The following PFDN6 variants were observed in gnomAD, a reference collection of about 807,000 sequenced individuals.
PFDN6 encodes the protein prefoldin subunit 6.
A neutral mutation model predicts 19.3 loss-of-function variants in PFDN6; 5 were observed. The observed-to-expected ratio is 0.26, with a 90% confidence interval of 0.14 to 0.55. The LOEUF (loss-of-function observed/expected upper bound fraction) is 0.55. PFDN6 is among the 20% of genes least tolerant of loss of function. The pLI, the probability that PFDN6 is intolerant of heterozygous loss-of-function variation, is 0.94. For missense variants in PFDN6, 101 were observed against 149.4 expected, an observed-to-expected ratio of 0.68 and a Z score of 1.69; for synonymous variants, 51 against 63.4, an observed-to-expected ratio of 0.80 and a Z score of 0.93.
In PFDN6 at chr6:33,290,310, C is replaced by T; in HGVS notation, c.136-16C>T. 7 of 1,611,142 alleles carry T rather than the reference C, an allele frequency of 4.3e-6. No homozygotes were observed. Among genetic ancestry groups the T allele is most frequent in the Non-Finnish European group, 5.1e-6 (6 of 1,177,706 alleles). On this transcript the variant is annotated splice_polypyrimidine_tract_variant and intron_variant, in intron 2 of 3. Transcript: ENST00000374606. ...TAGCCATGGTTCTGATCACATATGT[C>T]CCATCCCTCCATCAGGAACTGGCCC...
chr6:33,289,385 T>G, upstream of PFDN6: 2 of 1,309,400 alleles, frequency 1.5e-6, no homozygotes, highest in South Asian at 2.5e-5. Context: ...GCAAGAGTGA[T>G]TTAAAAAAGA....
At chr6:33,290,141 ATG>A (rs775730293) in intron 1 of PFDN6, 31 bp from the exon 2 acceptor site, 1 of 1,608,062 alleles carries the variant, frequency 6.2e-7, no homozygotes, top group Non-Finnish European at 8.5e-7. Context: ...GGCACATTTG[ATG>A]TTTCTAAATT....
At position 33,289,803 on chromosome 6, in the gene PFDN6, A is replaced by T; in HGVS notation, c.-54A>T. On this transcript the variant is annotated 5_prime_UTR_variant, in exon 1 of 4. Coordinates refer to ENST00000374606, the MANE Select transcript of PFDN6 (RefSeq NM_001185181.3). ...AGAAAAGGGAGCTCAGGTACCTTCC[A>T]GAGAGTGAGACCCAGCGCCCTTGTC... The T allele has an allele frequency of 7.0e-7, 1 of 1,422,874 alleles. No homozygotes were observed. The highest frequency in any genetic ancestry group is 9.6e-7 in the Non-Finnish European group (1 of 1,041,270). The allele number at this position is 1,422,874 out of a possible 1,614,324, so 88.1% of individuals were successfully genotyped here.
chr6:33,290,847 C>T lies in PFDN6; in HGVS notation c.*2C>T. The stretch of plus-strand genomic sequence containing the variant: ...GCAGGGGCTCCTGGCAAGGCCTGAC[C>T]CCATGGTGGGGGGAGGGGAGGGGAG... On this transcript the variant is annotated 3_prime_UTR_variant, in exon 4 of 4. Transcript: ENST00000374606. 1.9e-6 allele frequency: 3 copies of T among 1,597,614 alleles called. No individual in the cohort carries two copies. The highest frequency in any genetic ancestry group is 2.5e-6 in the Non-Finnish European group (3 of 1,178,164).
Position 33,289,652 on chromosome 6 carries a change from T to C in PFDN6, c.-205T>C. 1.8e-6 allele frequency: 1 copy of C among 561,746 alleles called. No homozygotes were observed. Among genetic ancestry groups the C allele is most frequent in the Non-Finnish European group, 2.9e-6 (1 of 347,588 alleles). 34.8% of individuals were successfully genotyped at this position (561,746 alleles called of 1,614,324 possible). A position where few individuals can be genotyped will look rare whatever the true frequency, so the allele number is the denominator to read the frequency against. On this transcript the variant is annotated 5_prime_UTR_variant, in exon 1 of 4. Coordinates refer to ENST00000374606, the MANE Select transcript of PFDN6 (RefSeq NM_001185181.3). ...AGGTTAGGATTTCGGTTGAGAGGCT[T>C]GGGGTCTTGCGTTTCGCCCACCATC...
At chr6:33,290,268 C>A in intron 2 of PFDN6, 24 bp downstream of exon 2, 5 of 1,613,970 alleles carry the variant, frequency 3.1e-6, no homozygotes, top group Non-Finnish European at 4.2e-6. Context: ...ATTTGTGGGG[C>A]GAGGAGGGAC....
chr6:33,289,392 A>C, upstream of PFDN6: 1 of 1,309,856 alleles, frequency 7.6e-7, no homozygotes, highest in Non-Finnish European at 9.7e-7. Flanking sequence ...TGATTTAAAA[A>C]AGAAAGGCAG....
chr6:33,290,692 C>T (rs1767275654), intron 3 of PFDN6, 24 bp from the exon 4 acceptor site: 1 of 1,610,416 alleles, frequency 6.2e-7, no homozygotes, highest in East Asian at 2.2e-5. Flanking sequence ...TCCCTTTCTG[C>T]TTGTCTCCCT....
intron 3 of PFDN6, 77 bp downstream of exon 3, chr6:33,290,527 G>A (rs1392557106): frequency 3.3e-6 from 5 of 1,512,806 alleles, no homozygotes; most frequent in Non-Finnish European, 4.4e-6. Flanking sequence ...TTGAACCATT[G>A]CAGAACAGCT....
At chr6:33,289,255 C>T, upstream of PFDN6, 1 of 1,539,296 alleles carries the variant, frequency 6.5e-7, no homozygotes, top group Non-Finnish European at 8.7e-7. Context: ...AGCCCTCTGT[C>T]CTTCATCCAA....
intron 1 of PFDN6, 83 bp from the exon 2 acceptor site, chr6:33,290,091 T>C (rs1767185867): frequency 6.8e-6 from 10 of 1,470,986 alleles, no homozygotes; most frequent in Non-Finnish European, 9.5e-6. Flanking sequence ...TTCTGCTTCC[T>C]CAGATCCATA....
Position 33,290,930 on chromosome 6 carries a change from C to G in PFDN6, c.*85C>G, listed in dbSNP as rs985286487. 7.5e-7 allele frequency: 1 copy of G among 1,324,546 alleles called. No homozygotes were observed. The highest frequency in any genetic ancestry group is 1.0e-6 in the Non-Finnish European group (1 of 971,296). The allele number at this position is 1,324,546 out of a possible 1,614,324, so 82.0% of individuals were successfully genotyped here. On this transcript the variant is annotated 3_prime_UTR_variant, in exon 4 of 4. Transcript: ENST00000374606. The stretch of plus-strand genomic sequence containing the variant: ...TGTAGCTAATAAAATGTAAAAACAC[C>G]TGGCTCTGTTTCCTGACCAGGCACT...
In PFDN6 at chr6:33,290,862, G is replaced by A. The variant is rs753863522; in HGVS notation, c.*17G>A. The A allele has an allele frequency of 7.0e-6, 11 of 1,575,116 alleles. No homozygotes were observed. The Admixed American group carries it at 1.6e-4, about 23-fold the overall frequency. On this transcript the variant is annotated 3_prime_UTR_variant, in exon 4 of 4. Transcript: ENST00000374606. ...AAGGCCTGACCCCATGGTGGGGGGA[G>A]GGGAGGGGAGGGGAGGGAATGAGGC... is the stretch of plus-strand genomic sequence containing the variant.
chr6:33,289,557 C>T, upstream of PFDN6: 1 of 815,180 alleles, frequency 1.2e-6, no homozygotes, highest in East Asian at 3.2e-5. Context: ...AAAGAAACTT[C>T]CGGCACAGTC....
chr6:33,290,682 TC>T, intron 3 of PFDN6, 33 bp from the exon 4 acceptor site: 1 of 1,608,356 alleles, frequency 6.2e-7, no homozygotes. Context: ...TACTAATTTC[TC>T]CCTTTCTGCT....
chr6:33,290,054 G>T, intron 1 of PFDN6, 120 bp from the exon 2 acceptor site: 2 of 1,313,470 alleles, frequency 1.5e-6, no homozygotes, highest in South Asian at 1.3e-5. Context: ...ACTCTTCCCT[G>T]TTCACTCACC....
In PFDN6 at chr6:33,290,200, C is replaced by A. The variant is rs1321655623; in HGVS notation, c.91C>A (p.Gln31Lys). The change falls in exon 2 of 4, where the codon CAG becomes AAG. Residue 31 changes from glutamine (Q) to lysine (K), a missense_variant. Gln to Lys is a moderately conservative substitution (Grantham distance 53, BLOSUM62 1). Transcript: ENST00000374606. ...CTTAAGTAAATCCATGTCGGGGAGG[C>A]AGAAACTTGAAGCACAACTAACAGA... ...KDLSKSMSGR[Q>K]KLEAQLTENN... The A allele has an allele frequency of 6.2e-7, 1 of 1,614,034 alleles. No homozygotes were observed. The highest frequency in any genetic ancestry group is 1.3e-5 in the African/African-American group (1 of 74,898).
chr6:33,289,794 G>A lies in PFDN6; in HGVS notation c.-63G>A. Reference sequence around the variant, plus strand: ...GGCCAGATCAGAAAAGGGAGCTCAGGTACCTTCCAGAGAGTGAGACCCAGC... The same window carrying A: ...GGCCAGATCAGAAAAGGGAGCTCAGATACCTTCCAGAGAGTGAGACCCAGC... On this transcript the variant is annotated 5_prime_UTR_variant, in exon 1 of 4. Coordinates refer to ENST00000374606, the MANE Select transcript of PFDN6 (RefSeq NM_001185181.3). 1 of 1,350,584 alleles carries A rather than the reference G, an allele frequency of 7.4e-7. No homozygotes were observed. Among genetic ancestry groups the A allele is most frequent in the South Asian group, 1.4e-5 (1 of 71,338 alleles). The allele number at this position is 1,350,584 out of a possible 1,614,324, so 83.7% of individuals were successfully genotyped here. A position where few individuals can be genotyped will look rare whatever the true frequency, so the allele number is the denominator to read the frequency against.
chr6:33,290,130 TG>T, intron 1 of PFDN6, 43 bp from the exon 2 acceptor site: 1 of 1,590,196 alleles, frequency 6.3e-7, no homozygotes, highest in Non-Finnish European at 8.6e-7. Context: ...TGGGGATAGG[TG>T]GCACATTTGA....
Sources: allele counts gnomAD v4.1 joint callset, GRCh38; gene constraint gnomAD v4.1.1; transcripts MANE v1.5; gene names NCBI Gene and HGNC (gene_info 2026-07-23, HGNC 2026-07-21).